The following KHDRBS2 variants were observed in gnomAD, a reference collection of about 807,000 sequenced individuals.
KHDRBS2 encodes KH RNA binding domain containing, signal transduction associated 2.
A neutral mutation model predicts 44.3 loss-of-function variants in KHDRBS2; 26 were observed. The ratio of observed to expected loss-of-function variants is 0.59; its 90% CI spans 0.43 to 0.81. KHDRBS2 has a LOEUF of 0.81. Among genes scored for constraint, KHDRBS2 ranks in the 40% least tolerant of loss-of-function variants. The pLI, the probability that KHDRBS2 is intolerant of heterozygous loss-of-function variation, is 0.00. For missense variants in KHDRBS2, 476 were observed against 433.1 expected (o/e 1.10, Z -0.88); for synonymous variants, 194 against 151.1 (o/e 1.28, Z -2.08).
At chr6:61,635,613 G>T in the KHDRBS2 span, among the ~76,000 whole-genome samples, 83 of 152,024 alleles carry the variant, frequency 5.5e-4, no homozygotes, top group African/African-American at 1.6e-3. Context: ...AAACTGAAAT[G>T]AATGACTAAA....
rs151155661 is a variant in KHDRBS2 at position 62,235,354 on chromosome 6, G to A, written c.91+50504C>T. ...CTAGATAGACACTTTCTTCTGCCAC[G>A]TGTTAGTTTTCTAACCCACCTATTT... On this transcript the variant is annotated intron_variant, in intron 1 of 8. Coordinates refer to ENST00000281156, the MANE Select transcript of KHDRBS2 (RefSeq NM_152688.4). 2.5e-3 allele frequency among the ~76,000 whole-genome samples: 382 copies of A among 151,890 alleles called. 3 individuals are homozygous for A. Among genetic ancestry groups the A allele is most frequent in the African/African-American group, 8.4e-3 (350 of 41,462 alleles).
chr6:62,002,105 A>G (rs1298997233), intron 3 of KHDRBS2, among the ~76,000 whole-genome samples: 1 of 152,052 alleles, frequency 6.6e-6, no homozygotes, highest in East Asian at 1.9e-4. Context: ...GAGTAATCAG[A>G]AAGTGCACAC....
At chr6:61,937,601 C>T (rs1384772456) in intron 4 of KHDRBS2, among the ~76,000 whole-genome samples, 2 of 152,146 alleles carry the variant, frequency 1.3e-5, no homozygotes, top group East Asian at 1.9e-4. Context: ...AGGTCACACA[C>T]CTATTTGTGT....
Position 61,799,888 on chromosome 6 carries a change from G to A in KHDRBS2, c.811-67124C>T, listed in dbSNP as rs576030869. On this transcript the variant is annotated intron_variant, in intron 6 of 8. Coordinates refer to ENST00000281156, the MANE Select transcript of KHDRBS2 (RefSeq NM_152688.4). ...TTAGTTTTAAGTATTATGTATAAAA[G>A]TGATGAAGTAGTAAGTTCATGTGTA... Among the ~76,000 whole-genome samples, 5 of 152,086 alleles carry A rather than the reference G, an allele frequency of 3.3e-5. No individual in the cohort carries two copies. The East Asian group carries it at 5.8e-4, about 18-fold the overall frequency.
intron 4 of KHDRBS2, among the ~76,000 whole-genome samples, chr6:61,907,554 T>C (rs1805258036): frequency 6.6e-6 from 1 of 152,222 alleles, no homozygotes; most frequent in Non-Finnish European, 1.5e-5. Context: ...TACATTTAAG[T>C]CTTCTATCTA....
the KHDRBS2 span, among the ~76,000 whole-genome samples, chr6:61,583,262 A>G: frequency 1.3e-5 from 2 of 151,732 alleles, no homozygotes; most frequent in Non-Finnish European, 3.0e-5. Context: ...AGCTTATTTC[A>G]TTCAGCAAAA....
chr6:61,984,940 C>T (rs1023699106), intron 3 of KHDRBS2, among the ~76,000 whole-genome samples: 16 of 152,164 alleles, frequency 1.1e-4, no homozygotes, highest in Non-Finnish European at 2.2e-4. Flanking sequence ...CAAACACAGG[C>T]TATGTAAATA....
At chr6:62,069,609 C>A (rs1377131145) in intron 2 of KHDRBS2, among the ~76,000 whole-genome samples, 1 of 151,648 alleles carries the variant, frequency 6.6e-6, no homozygotes, top group Non-Finnish European at 1.5e-5. Context: ...GATCACTTTC[C>A]ACTGGAATAT....
intron 7 of KHDRBS2, among the ~76,000 whole-genome samples, chr6:61,704,612 T>C (rs1000492378): frequency 3.3e-5 from 5 of 151,782 alleles, no homozygotes; most frequent in African/African-American, 1.2e-4. Context: ...GTAAGCAGTT[T>C]GGATTTTATA....
At chr6:62,157,473 T>G (rs1438134459) in intron 2 of KHDRBS2, among the ~76,000 whole-genome samples, 3 of 152,204 alleles carry the variant, frequency 2.0e-5, no homozygotes, top group Non-Finnish European at 4.4e-5. Flanking sequence ...AGTTAGCACG[T>G]GGAATTAAAA....
At chr6:61,894,860 GA>G in intron 5 of KHDRBS2, 27 bp from the exon 6 acceptor site, 1 of 1,543,346 alleles carries the variant, frequency 6.5e-7, no homozygotes, top group Non-Finnish European at 8.9e-7. Context: ...ATGTATAGAT[GA>G]GAAACAGGTG....
chr6:61,904,730 G>A (rs1342520854), intron 4 of KHDRBS2, among the ~76,000 whole-genome samples: 3 of 152,178 alleles, frequency 2.0e-5, no homozygotes, highest in Non-Finnish European at 4.4e-5. Flanking sequence ...AGGGCAATCC[G>A]TAAGGATTCC....
At chr6:61,802,648 C>T (rs59512404) in intron 6 of KHDRBS2, among the ~76,000 whole-genome samples, 1,771 of 152,234 alleles carry the variant, frequency 0.012, 36 homozygotes, top group African/African-American at 0.041. Context: ...GTACCTAAGG[C>T]AATATTTAGA....
chr6:62,106,174 T>G (rs1803232815), intron 2 of KHDRBS2, among the ~76,000 whole-genome samples: 1 of 152,202 alleles, frequency 6.6e-6, no homozygotes, highest in Non-Finnish European at 1.5e-5. Context: ...CTTTTACATT[T>G]GCTGAGGAGA....
chr6:61,845,549 C>T (rs1026549417), intron 6 of KHDRBS2, among the ~76,000 whole-genome samples: 9 of 152,116 alleles, frequency 5.9e-5, no homozygotes, highest in Admixed American at 2.6e-4. Flanking sequence ...GACCTTGTGT[C>T]GGCCCGCCTT....
chr6:62,200,913 T>A (rs1422953492), intron 1 of KHDRBS2, among the ~76,000 whole-genome samples: 1 of 151,478 alleles, frequency 6.6e-6, no homozygotes, highest in Non-Finnish European at 1.5e-5. Flanking sequence ...CCATAAAAAA[T>A]GATGAGTTCA....
In KHDRBS2 at chr6:61,909,070, AT is replaced by A. The variant is rs201610192; in HGVS notation, c.484-7700del. 3.1e-3 allele frequency among the ~76,000 whole-genome samples: 443 copies of A among 145,078 alleles called. 1 individual carries two copies. The highest frequency in any genetic ancestry group is 7.4e-3 in the Middle Eastern group (2 of 272). On this transcript the variant is annotated intron_variant, in intron 4 of 8. Transcript: ENST00000281156. ...AATAGCACATGCGTATCATATATAG[AT>A]TTTTTTTTTTTTTGAGATGGGGTCT...
the KHDRBS2 span, among the ~76,000 whole-genome samples, chr6:61,672,253 C>T: frequency 6.6e-6 from 1 of 151,712 alleles, no homozygotes; most frequent in Admixed American, 6.6e-5. Flanking sequence ...CATTGTTGGA[C>T]ATTTGGGTTG....
At chr6:62,070,725 A>C (rs1346597314) in intron 2 of KHDRBS2, among the ~76,000 whole-genome samples, 1 of 151,992 alleles carries the variant, frequency 6.6e-6, no homozygotes, top group African/African-American at 2.4e-5. Flanking sequence ...ACATTTTCTT[A>C]ATCCAGTCTA....
Sources: allele counts gnomAD v4.1 joint callset (sites outside exome capture counted in the v4.1 genomes callset), GRCh38; gene constraint gnomAD v4.1.1; transcripts MANE v1.5; gene names NCBI Gene and HGNC (gene_info 2026-07-23, HGNC 2026-07-21).